The following WWOX variants were observed in gnomAD, a reference collection of about 807,000 sequenced individuals.
The protein encoded by WWOX is WW domain containing oxidoreductase, also known as WW domain-containing oxidoreductase.
A neutral mutation model predicts 46.2 loss-of-function variants in WWOX; 69 were observed. That is an observed-to-expected ratio of 1.49 (90% confidence interval 1.23 to 1.82). The LOEUF (loss-of-function observed/expected upper bound fraction) is 1.82. Ranked by LOEUF, WWOX falls within the 40% of genes most tolerant of loss-of-function variation. The pLI, the probability that WWOX is intolerant of heterozygous loss-of-function variation, is 0.00. For synonymous variants in WWOX, 359 were observed against 202.6 expected, an observed-to-expected ratio of 1.77 and a Z score of -6.56; for missense variants, 919 against 542.6, an observed-to-expected ratio of 1.69 and a Z score of -6.89.
intron 8 of WWOX, among the ~76,000 whole-genome samples, chr16:78,621,662 T>G (rs981681150): frequency 2.2e-5 from 3 of 134,466 alleles, no homozygotes; most frequent in Non-Finnish European, 4.6e-5. Context: ...TGGAGTGCAG[T>G]GGCACCATCT....
intron 8 of WWOX, among the ~76,000 whole-genome samples, chr16:78,908,083 A>T (rs1191289874): frequency 6.6e-6 from 1 of 152,206 alleles, no homozygotes; most frequent in South Asian, 2.1e-4. Context: ...TTGCAGGATA[A>T]CAAGGCTCTG....
intron 8 of WWOX, among the ~76,000 whole-genome samples, chr16:78,724,594 T>A (rs1446745094): frequency 6.6e-6 from 1 of 152,202 alleles, no homozygotes; most frequent in African/African-American, 2.4e-5. Flanking sequence ...TTGACCCACT[T>A]ATGTGTAGTC....
chr16:78,383,261 A>T (rs539407659), intron 5 of WWOX, among the ~76,000 whole-genome samples: 3 of 152,022 alleles, frequency 2.0e-5, no homozygotes, highest in African/African-American at 7.2e-5. Context: ...TGTTGTGTTG[A>T]TGTTGATTTT....
chr16:79,166,182 T>C (rs533674563), intron 8 of WWOX, among the ~76,000 whole-genome samples: 35 of 152,138 alleles, frequency 2.3e-4, no homozygotes, highest in Non-Finnish European at 4.4e-4. Context: ...TAGGAAAACA[T>C]GAAATTATAA....
chr16:78,322,668 G>C (rs545572489), intron 5 of WWOX, among the ~76,000 whole-genome samples: 1 of 152,274 alleles, frequency 6.6e-6, no homozygotes, highest in Non-Finnish European at 1.5e-5. Context: ...TGATTACTTT[G>C]TTTTTATGAT....
intron 8 of WWOX, among the ~76,000 whole-genome samples, chr16:79,167,303 C>G (rs2050613977): frequency 6.6e-6 from 1 of 152,148 alleles, no homozygotes; most frequent in African/African-American, 2.4e-5. Context: ...TGACAAAATG[C>G]TAACAATTCC....
At position 78,386,848 on chromosome 16, in the gene WWOX, C is replaced by G. The variant is rs373188700; in HGVS notation, c.517-12C>G. 6.2e-7 allele frequency: 1 copy of G among 1,609,456 alleles called. No individual in the cohort carries two copies. The highest frequency in any genetic ancestry group is 8.5e-7 in the Non-Finnish European group (1 of 1,175,702). On this transcript the variant is annotated splice_polypyrimidine_tract_variant and intron_variant, in intron 5 of 8. Coordinates refer to ENST00000566780, the MANE Select transcript of WWOX (RefSeq NM_016373.4). ...GTTATTTATCATTTCTTTTTATTTT[C>G]TCTCATTGCAGCATAAAGCCAAGGT...
At chr16:78,916,824 T>C (rs2045262845) in intron 8 of WWOX, among the ~76,000 whole-genome samples, 1 of 152,204 alleles carries the variant, frequency 6.6e-6, no homozygotes, top group Non-Finnish European at 1.5e-5. Flanking sequence ...CTGTATGAAG[T>C]TGCCAGTGTT....
intron 8 of WWOX, among the ~76,000 whole-genome samples, chr16:79,192,283 G>T (rs191781639): frequency 1.8e-4 from 27 of 151,972 alleles, no homozygotes; most frequent in Non-Finnish European, 3.5e-4. Context: ...GCCCCAAACA[G>T]CTGTTATTTT....
chr16:78,848,640 C>G (rs2052361114), intron 8 of WWOX, among the ~76,000 whole-genome samples: 1 of 152,040 alleles, frequency 6.6e-6, no homozygotes, highest in Admixed American at 6.5e-5. Flanking sequence ...CCAAATTTAG[C>G]CTAATTAACA....
chr16:78,701,630 T>A (rs962671300), intron 8 of WWOX, among the ~76,000 whole-genome samples: 1 of 152,020 alleles, frequency 6.6e-6, no homozygotes, highest in African/African-American at 2.4e-5. Context: ...ACACTCCTTC[T>A]TTCCCTCTCC....
chr16:79,139,317 G>A (rs1455829276), intron 8 of WWOX, among the ~76,000 whole-genome samples: 1 of 152,180 alleles, frequency 6.6e-6, no homozygotes, highest in East Asian at 1.9e-4. Flanking sequence ...AGCTACAGAA[G>A]CAAAGTGTTG....
At chr16:78,768,317 C>T (rs1438853088) in intron 8 of WWOX, among the ~76,000 whole-genome samples, 1 of 132,952 alleles carries the variant, frequency 7.5e-6, no homozygotes, top group Non-Finnish European at 1.6e-5. Flanking sequence ...TGGCTTGGTG[C>T]AGTGGCTCAT....
chr16:78,998,739 A>C (rs1034415125), intron 8 of WWOX, among the ~76,000 whole-genome samples: 1 of 152,196 alleles, frequency 6.6e-6, no homozygotes, highest in East Asian at 1.9e-4. Context: ...TATACATTGA[A>C]AGGTGGAAAC....
At chr16:78,224,538 G>A (rs1229488292) in intron 5 of WWOX, among the ~76,000 whole-genome samples, 1 of 152,092 alleles carries the variant, frequency 6.6e-6, no homozygotes, top group Non-Finnish European at 1.5e-5. Flanking sequence ...CCTAATGGAT[G>A]GGTGAGTCAT....
At chr16:79,181,815 T>A (rs1264817843) in intron 8 of WWOX, among the ~76,000 whole-genome samples, 1 of 152,228 alleles carries the variant, frequency 6.6e-6, no homozygotes, top group Non-Finnish European at 1.5e-5. Context: ...ACTGCAGGTT[T>A]AGGCTGCATG....
intron 6 of WWOX, among the ~76,000 whole-genome samples, chr16:78,396,778 G>C: frequency 6.6e-6 from 1 of 152,190 alleles, no homozygotes; most frequent in Non-Finnish European, 1.5e-5. Flanking sequence ...AAGCATTGTT[G>C]AATACATTGT....
chr16:78,447,211 A>G (rs2083581441), intron 8 of WWOX, among the ~76,000 whole-genome samples: 1 of 152,118 alleles, frequency 6.6e-6, no homozygotes, highest in African/African-American at 2.4e-5. Flanking sequence ...GGACAGATGG[A>G]TTTTCTAAAA....
intron 8 of WWOX, among the ~76,000 whole-genome samples, chr16:79,195,613 C>T (rs967634539): frequency 2.6e-5 from 4 of 152,190 alleles, no homozygotes; most frequent in African/African-American, 9.7e-5. Context: ...AGGGTATATT[C>T]ATGTAAGTGA....
Sources: gnomAD v4.1 joint callset for allele counts (sites outside exome capture counted in the v4.1 genomes callset) on GRCh38, gnomAD v4.1.1 for gene constraint, MANE v1.5 for transcripts, NCBI Gene and HGNC (gene_info 2026-07-23, HGNC 2026-07-21) for gene names.